IFT80: variants seen among roughly 807,000 people sequenced by gnomAD.
The protein encoded by IFT80 is intraflagellar transport 80.
Under a neutral mutation model 107.9 loss-of-function variants are expected in IFT80, and 79 were observed. The ratio of observed to expected loss-of-function variants is 0.73; its 90% CI spans 0.61 to 0.88. The LOEUF is 0.88. IFT80 is among the 40% of genes least tolerant of loss of function. The pLI, the probability that IFT80 is intolerant of heterozygous loss-of-function variation, is 0.00. For missense variants in IFT80, 797 were observed against 914.2 expected (o/e 0.87, Z 1.65); for synonymous variants, 299 against 300.9 (o/e 0.99, Z 0.07).
intron 8 of IFT80, among the ~76,000 whole-genome samples, chr3:160,335,094 T>C (rs891874429): frequency 6.6e-6 from 1 of 151,840 alleles, no homozygotes; most frequent in Non-Finnish European, 1.5e-5. Flanking sequence ...GGATTTCTAC[T>C]TACCCTCACC....
At chr3:160,387,827 T>C (rs1194860240) in intron 1 of IFT80, among the ~76,000 whole-genome samples, 3 of 152,142 alleles carry the variant, frequency 2.0e-5, no homozygotes, top group Non-Finnish European at 4.4e-5. Context: ...CCAAAGAGAC[T>C]ATGAAAAAGT....
At chr3:160,387,924 G>C (rs1023199656) in intron 1 of IFT80, among the ~76,000 whole-genome samples, 2 of 152,192 alleles carry the variant, frequency 1.3e-5, no homozygotes, top group Non-Finnish European at 2.9e-5. Flanking sequence ...GCAAAAAGAA[G>C]TGGAGATAGA....
rs536686823 is a variant in IFT80 at position 160,368,143 on chromosome 3, T to A, written c.440-1991A>T. On this transcript the variant is annotated intron_variant, in intron 5 of 19. Transcript: ENST00000326448. ...TCTGAATTTCAGGGTTTGTGGGCAA[T>A]CAATAAAATTTAATTGTTTATTCAA... is the stretch of plus-strand genomic sequence containing the variant. Among the ~76,000 whole-genome samples the A allele has an allele frequency of 1.2e-4, 18 of 151,980 alleles. No homozygotes were observed. The South Asian group carries it at 3.5e-3, about 30-fold the overall frequency.
chr3:160,284,389 A>G (rs1326346085), intron 13 of IFT80, among the ~76,000 whole-genome samples: 1 of 152,172 alleles, frequency 6.6e-6, no homozygotes. Context: ...GATATGCTTA[A>G]TCTTACTGAA....
rs56915671 is a variant in IFT80 at position 160,381,239 on chromosome 3, A to AATATATATAT, written c.259+254_259+263dup. Among the ~76,000 whole-genome samples, 787 of 86,212 alleles carry AATATATATAT rather than the reference A, an allele frequency of 9.1e-3. 17 individuals carry two copies. The highest frequency in any genetic ancestry group is 0.021 in the African/African-American group (567 of 27,366). The allele number at this position is 86,212 out of a possible 152,430, so 56.6% of individuals were successfully genotyped here. A position where few individuals can be genotyped will look rare whatever the true frequency, so the allele number is the denominator to read the frequency against. ...GCAACAGAGTGAGACCCCATCTCTA[A>AATATATATAT]ATATATATATATATATATATATATA... On this transcript the variant is annotated intron_variant, in intron 3 of 19. Coordinates refer to ENST00000326448, the MANE Select transcript of IFT80 (RefSeq NM_020800.3).
intron 8 of IFT80, among the ~76,000 whole-genome samples, chr3:160,328,739 T>C (rs1718867811): frequency 1.3e-5 from 2 of 152,120 alleles, no homozygotes; most frequent in Non-Finnish European, 2.9e-5. Flanking sequence ...TCAACCTAAA[T>C]TCCTGTCGAT....
chr3:160,311,261 AAAT>A (rs1364026611), intron 9 of IFT80, among the ~76,000 whole-genome samples: 1 of 152,246 alleles, frequency 6.6e-6, no homozygotes, highest in Non-Finnish European at 1.5e-5. Context: ...GTAAGTAAAT[AAAT>A]AATAAGAAGT....
intron 1 of IFT80, among the ~76,000 whole-genome samples, chr3:160,395,527 C>T (rs1713707827): frequency 6.6e-6 from 1 of 152,226 alleles, no homozygotes; most frequent in Non-Finnish European, 1.5e-5. Context: ...TAGAGCATTC[C>T]ATTCCCTTTG....
At chr3:160,349,386 T>C (rs1351541804) in intron 8 of IFT80, among the ~76,000 whole-genome samples, 1 of 151,768 alleles carries the variant, frequency 6.6e-6, no homozygotes, top group African/African-American at 2.4e-5. Flanking sequence ...GAGGCAGAGG[T>C]TGCAGTGAGC....
intron 6 of IFT80, among the ~76,000 whole-genome samples, chr3:160,362,413 G>A (rs953070912): frequency 1.3e-5 from 2 of 152,150 alleles, no homozygotes; most frequent in Middle Eastern, 3.2e-3. Flanking sequence ...GGACCAGACA[G>A]ATTCACAGCC....
intron 13 of IFT80, among the ~76,000 whole-genome samples, chr3:160,285,438 A>T (rs1337376519): frequency 1.3e-5 from 2 of 152,216 alleles, no homozygotes; most frequent in Admixed American, 6.5e-5. Context: ...ATGCTGGCTA[A>T]GAACAGGTCA....
chr3:160,304,037 T>C, intron 10 of IFT80, 48 bp from the exon 11 acceptor site: 1 of 1,172,020 alleles, frequency 8.5e-7, no homozygotes. Flanking sequence ...AAATACCAAA[T>C]ACTTTTAAAT....
At chr3:160,331,142 T>A (rs985349826) in intron 8 of IFT80, among the ~76,000 whole-genome samples, 1 of 152,166 alleles carries the variant, frequency 6.6e-6, no homozygotes, top group Non-Finnish European at 1.5e-5. Context: ...ATTGCTAGCA[T>A]CCCTACTTTT....
Position 160,285,795 on chromosome 3 carries a change from G to A in IFT80, c.1380+9C>T. The A allele has an allele frequency of 6.4e-7, 1 of 1,563,688 alleles. No homozygotes were observed. The highest frequency in any genetic ancestry group is 8.8e-7 in the Non-Finnish European group (1 of 1,135,572). On this transcript the variant is annotated intron_variant, in intron 13 of 19. Coordinates refer to ENST00000326448, the MANE Select transcript of IFT80 (RefSeq NM_020800.3). ...GCTATTTACATTAGAAGTAGTTAAT[G>A]TCCATTACCTTATGAGAAAGAAACT...
intron 8 of IFT80, among the ~76,000 whole-genome samples, chr3:160,335,205 T>C (rs1719374419): frequency 6.6e-6 from 1 of 151,552 alleles, no homozygotes; most frequent in African/African-American, 2.4e-5. Context: ...TCAAACTCGG[T>C]TCGGCAGAAA....
intron 9 of IFT80, among the ~76,000 whole-genome samples, chr3:160,312,924 TA>T (rs1172218570): frequency 3.9e-5 from 1 of 25,466 alleles, no homozygotes; most frequent in African/African-American, 1.3e-4. Context: ...ATATTATATA[TA>T]AATATATAAT....
intron 6 of IFT80, 100 bp downstream of exon 6, chr3:160,365,943 G>T: frequency 3.5e-6 from 3 of 850,448 alleles, no homozygotes; most frequent in Non-Finnish European, 6.1e-6. Context: ...AGACCAGACT[G>T]TAAAAAGACC....
intron 12 of IFT80, among the ~76,000 whole-genome samples, chr3:160,295,945 A>G (rs150866071): frequency 6.6e-6 from 1 of 152,364 alleles, no homozygotes; most frequent in African/African-American, 2.4e-5. Flanking sequence ...ATACTAAAAT[A>G]GTCAAATTTA....
chr3:160,287,066 C>T (rs1576754555), intron 12 of IFT80, among the ~76,000 whole-genome samples: 1 of 152,108 alleles, frequency 6.6e-6, no homozygotes. Context: ...ATTTAATTAA[C>T]CATGCCAATG....
Sources: gnomAD v4.1 joint callset for allele counts (sites outside exome capture counted in the v4.1 genomes callset) on GRCh38, gnomAD v4.1.1 for gene constraint, MANE v1.5 for transcripts, NCBI Gene and HGNC (gene_info 2026-07-23, HGNC 2026-07-21) for gene names.